LRRC63: variants seen among roughly 807,000 people sequenced by gnomAD.
LRRC63 encodes leucine-rich repeat-containing protein 63.
Under a neutral mutation model 49.5 loss-of-function variants are expected in LRRC63, and 40 were observed. The ratio of observed to expected loss-of-function variants is 0.81; its 90% confidence interval spans 0.63 to 1.05. The LOEUF is 1.05. LRRC63 is among the 50% of genes least tolerant of loss of function. The pLI, the probability that LRRC63 is intolerant of heterozygous loss-of-function variation, is 0.00. For synonymous variants in LRRC63, 191 were observed against 221.1 expected, an observed-to-expected ratio of 0.86 and a Z score of 1.21; for missense variants, 636 against 663.1, an observed-to-expected ratio of 0.96 and a Z score of 0.45.
chr13:46,261,383 A>G (rs866012225), intron 7 of LRRC63, among the ~76,000 whole-genome samples: 11 of 152,164 alleles, frequency 7.2e-5, no homozygotes, highest in African/African-American at 2.7e-4. Context: ...TATTGTCCCT[A>G]TAAGAAAGGC....
At chr13:46,243,912 G>A (rs1484039585) in intron 5 of LRRC63, among the ~76,000 whole-genome samples, 1 of 152,128 alleles carries the variant, frequency 6.6e-6, no homozygotes, top group Non-Finnish European at 1.5e-5. Flanking sequence ...AGATGAATAT[G>A]CAATAAGATG....
chr13:46,214,467 A>G (rs968540550), intron 2 of LRRC63, among the ~76,000 whole-genome samples: 8 of 152,064 alleles, frequency 5.3e-5, no homozygotes, highest in African/African-American at 1.2e-4. Flanking sequence ...TAGTTTCTCC[A>G]TTCATCTTTT....
At chr13:46,246,486 T>G in intron 5 of LRRC63, 41 bp from the exon 6 acceptor site, 1 of 980,514 alleles carries the variant, frequency 1.0e-6, no homozygotes, top group African/African-American at 1.7e-5. Flanking sequence ...TTTTGTGCCT[T>G]GTTAGTGATT....
intron 7 of LRRC63, among the ~76,000 whole-genome samples, chr13:46,253,966 A>G (rs1405320211): frequency 6.6e-6 from 1 of 152,192 alleles, no homozygotes; most frequent in African/African-American, 2.4e-5. Context: ...TGTTTCAAAT[A>G]CAGACAGATA....
chr13:46,214,697 A>G (rs1361566551), intron 2 of LRRC63, among the ~76,000 whole-genome samples: 2 of 151,470 alleles, frequency 1.3e-5, no homozygotes, highest in East Asian at 3.9e-4. Context: ...GGTTTGTTAC[A>G]TAGGTATACA....
At position 46,231,862 on chromosome 13, in the gene LRRC63, C is replaced by G. The variant is rs191039136; in HGVS notation, c.833-2330C>G. ...ACAGAGTCTCGCTCTGTCACCCAGG[C>G]TGGAGAGCTGTGGCAAGATCTCGGC... On this transcript the variant is annotated intron_variant, in intron 4 of 9. Coordinates refer to ENST00000595396, the Ensembl canonical transcript of LRRC63. Among the ~76,000 whole-genome samples the G allele has an allele frequency of 8.0e-5, 11 of 137,904 alleles. No individual in the cohort carries two copies. The East Asian group carries it at 2.1e-3, about 27-fold the overall frequency. 90.5% of individuals were successfully genotyped at this position (137,904 alleles called of 152,430 possible). A position where few individuals can be genotyped will look rare whatever the true frequency, so the allele number is the denominator to read the frequency against.
chr13:46,214,833 A>C (rs993160162), intron 2 of LRRC63, among the ~76,000 whole-genome samples: 12 of 151,730 alleles, frequency 7.9e-5, no homozygotes, highest in Non-Finnish European at 1.5e-4. Flanking sequence ...TCAGTATTCA[A>C]CTCCCACTTA....
chr13:46,269,428 T>C (rs898395901), intron 9 of LRRC63, among the ~76,000 whole-genome samples: 1 of 152,130 alleles, frequency 6.6e-6, no homozygotes, highest in Non-Finnish European at 1.5e-5. Context: ...AAGAATAGAC[T>C]TTGGAATAAA....
At chr13:46,222,167 G>A (rs1249141876) in intron 2 of LRRC63, among the ~76,000 whole-genome samples, 1 of 151,650 alleles carries the variant, frequency 6.6e-6, no homozygotes, top group Non-Finnish European at 1.5e-5. Context: ...TTTCAGAAAT[G>A]TCTATTCATG....
intron 2 of LRRC63, among the ~76,000 whole-genome samples, chr13:46,213,396 A>G (rs2046152059): frequency 6.6e-6 from 1 of 152,234 alleles, no homozygotes; most frequent in Non-Finnish European, 1.5e-5. Flanking sequence ...TGTGCAGAGC[A>G]CTGAAAATGA....
intron 2 of LRRC63, among the ~76,000 whole-genome samples, chr13:46,223,131 C>G (rs1389689918): frequency 6.6e-6 from 1 of 151,024 alleles, no homozygotes; most frequent in Non-Finnish European, 1.5e-5. Flanking sequence ...TTAATGGGTG[C>G]AGCACACCAG....
rs75228770 is a variant in LRRC63, at chr13:46,270,433, G to A, written c.1550+3461G>A. The A allele has an allele frequency of 6.9e-4, 546 of 793,778 alleles. 1 individual carries two copies. Among genetic ancestry groups the A allele is most frequent in the Non-Finnish European group, 9.6e-4 (415 of 434,074 alleles). The allele number at this position is 793,778 out of a possible 1,614,324, so 49.2% of individuals were successfully genotyped here. ...TATCTAGTTGTGTTAGAGGATGTTC[G>A]ATGGAAGTGAATGAAAAACATTCTC... On this transcript the variant is annotated intron_variant, in intron 9 of 9. Transcript: ENST00000595396.
chr13:46,227,989 C>T (rs1401481126), exon 3 of LRRC63: 2 of 1,550,928 alleles, frequency 1.3e-6, no homozygotes, highest in East Asian at 2.4e-5. Flanking sequence ...CCAGGCTATA[C>T]TTATCAGCAC....
At chr13:46,238,741 G>C (rs1253890533) in intron 5 of LRRC63, among the ~76,000 whole-genome samples, 1 of 152,086 alleles carries the variant, frequency 6.6e-6, no homozygotes, top group Non-Finnish European at 1.5e-5. Context: ...ATGATATTTG[G>C]GTGGGGACAC....
At chr13:46,223,917 C>T (rs754151217) in intron 2 of LRRC63, among the ~76,000 whole-genome samples, 1 of 152,134 alleles carries the variant, frequency 6.6e-6, no homozygotes, top group East Asian at 1.9e-4. Flanking sequence ...TCCAAATCCA[C>T]TGTTAGTCTG....
intron 6 of LRRC63, among the ~76,000 whole-genome samples, chr13:46,247,300 A>G (rs1005229694): frequency 4.6e-5 from 7 of 152,094 alleles, no homozygotes; most frequent in Non-Finnish European, 1.0e-4. Context: ...TTTATTTTCA[A>G]TTGGAGAAGT....
At chr13:46,247,785 T>A (rs759975124) in intron 6 of LRRC63, among the ~76,000 whole-genome samples, 2 of 152,194 alleles carry the variant, frequency 1.3e-5, no homozygotes, top group Non-Finnish European at 2.9e-5. Flanking sequence ...CAAATTGCAG[T>A]GTCCACTAAA....
chr13:46,266,654 T>C (rs1718302192), intron 8 of LRRC63, 79 bp from the exon 9 acceptor site: 1 of 1,239,858 alleles, frequency 8.1e-7, no homozygotes, highest in Non-Finnish European at 1.1e-6. Context: ...CCAATTTTCA[T>C]GAACAATTGA....
intron 9 of LRRC63, among the ~76,000 whole-genome samples, chr13:46,267,603 G>A (rs2047700594): frequency 6.6e-6 from 1 of 152,122 alleles, no homozygotes; most frequent in Non-Finnish European, 1.5e-5. Context: ...ACATAAATTA[G>A]AAACATTGAC....
Sources: gnomAD v4.1 joint callset for allele counts (sites outside exome capture counted in the v4.1 genomes callset) on GRCh38, gnomAD v4.1.1 for gene constraint, MANE v1.5 for transcripts, NCBI Gene and HGNC (gene_info 2026-07-23, HGNC 2026-07-21) for gene names.